PDXDC1: variants seen among roughly 807,000 people sequenced by gnomAD.
PDXDC1 encodes pyridoxal dependent decarboxylase domain containing 1.
PDXDC1 carries 42 observed loss-of-function variants against 100.1 expected under a neutral mutation model. The ratio of observed to expected loss-of-function variants is 0.42; its 90% CI spans 0.33 to 0.54. The LOEUF is 0.54. Ranked by LOEUF, PDXDC1 falls within the 20% of genes least tolerant of loss-of-function variation. The pLI, the probability that PDXDC1 is intolerant of heterozygous loss-of-function variation, is 0.10. For synonymous variants in PDXDC1, 260 were observed against 371.7 expected (o/e 0.70, Z 3.46); for missense variants, 636 against 979.2 (o/e 0.65, Z 4.68).
chr16:15,053,057 C>G (rs138173011), intron 16 of PDXDC1, among the ~76,000 whole-genome samples: 1 of 152,210 alleles, frequency 6.6e-6, no homozygotes, highest in Non-Finnish European at 1.5e-5. Context: ...GCCATGCTGT[C>G]TGCTCGGCAC....
intron 16 of PDXDC1, among the ~76,000 whole-genome samples, chr16:15,079,145 A>G (rs1193084828): frequency 1.4e-5 from 2 of 143,116 alleles, no homozygotes; most frequent in African/African-American, 5.0e-5. Context: ...TAATGGCAAC[A>G]CCAAGATTCA....
At chr16:15,149,649 G>A in the PDXDC1 span, among the ~76,000 whole-genome samples, 2 of 152,242 alleles carry the variant, frequency 1.3e-5, no homozygotes, top group Non-Finnish European at 2.9e-5. Flanking sequence ...AAAGGGCAAG[G>A]CCCTGGGTGC....
intron 16 of PDXDC1, among the ~76,000 whole-genome samples, chr16:15,111,266 C>T (rs1233038864): frequency 6.9e-6 from 1 of 145,792 alleles, no homozygotes; most frequent in Non-Finnish European, 1.5e-5. Context: ...AGACCAGCCT[C>T]ACCAACATGG....
chr16:15,105,153 CAGTA>C (rs2046751014), intron 16 of PDXDC1, among the ~76,000 whole-genome samples: 1 of 121,226 alleles, frequency 8.2e-6, no homozygotes, highest in Non-Finnish European at 1.8e-5. Flanking sequence ...GGTCAACAGA[CAGTA>C]AGAGACAGTA....
intron 16 of PDXDC1, chr16:15,068,428 C>G: frequency 1.1e-6 from 1 of 932,040 alleles, no homozygotes; most frequent in Non-Finnish European, 1.6e-6. Flanking sequence ...TGCAGATAGT[C>G]ACACAGTATA....
chr16:15,131,626 A>T, intron 16 of PDXDC1: 1 of 1,598,140 alleles, frequency 6.3e-7, no homozygotes. Context: ...CTGGGACGCC[A>T]CCATCCGCGA....
intron 16 of PDXDC1, chr16:15,134,337 G>A: frequency 1.5e-6 from 1 of 686,984 alleles, no homozygotes; most frequent in South Asian, 1.5e-5. Context: ...GGCCACTGCG[G>A]ATCAGCACCT....
chr16:15,046,073 T>C (rs1597789758), intron 16 of PDXDC1: 1 of 151,938 alleles, frequency 6.6e-6, no homozygotes, highest in African/African-American at 2.4e-5. Context: ...CGGAGCAGAG[T>C]GTGTGGCAAC....
At chr16:15,149,558 T>C in the PDXDC1 span, among the ~76,000 whole-genome samples, 1 of 152,086 alleles carries the variant, frequency 6.6e-6, no homozygotes, top group Non-Finnish European at 1.5e-5. Flanking sequence ...CCGACGCCAA[T>C]CCCAGGCAGG....
intron 12 of PDXDC1, among the ~76,000 whole-genome samples, chr16:15,020,975 AACACACACACACAC>A (rs66850292): frequency 3.4e-4 from 49 of 145,930 alleles, no homozygotes; most frequent in South Asian, 1.1e-3. Context: ...GCACCATCTA[AACACACACACACAC>A]ACACACACAC....
intron 16 of PDXDC1, among the ~76,000 whole-genome samples, chr16:15,110,083 G>A (rs938215943): frequency 1.3e-5 from 2 of 148,458 alleles, no homozygotes; most frequent in African/African-American, 4.9e-5. Context: ...GAACCCAAAA[G>A]ACAGTGAGCT....
chr16:15,078,175 G>T (rs1017636468), intron 16 of PDXDC1, among the ~76,000 whole-genome samples: 1 of 152,128 alleles, frequency 6.6e-6, no homozygotes, highest in African/African-American at 2.4e-5. Flanking sequence ...ATATACAGTT[G>T]GCCAGAGAGG....
At chr16:15,102,179 AAG>A (rs893039118) in intron 16 of PDXDC1, among the ~76,000 whole-genome samples, 2 of 151,268 alleles carry the variant, frequency 1.3e-5, no homozygotes, top group African/African-American at 2.4e-5. Context: ...TTATAGAGAC[AAG>A]AGTCTCTCTT....
chr16:15,034,255 A>G, intron 19 of PDXDC1, 31 bp from the exon 20 acceptor site: 4 of 1,601,916 alleles, frequency 2.5e-6, no homozygotes, highest in Non-Finnish European at 2.6e-6. Flanking sequence ...AGAACCTTAA[A>G]CAAGTAATGT....
At chr16:15,024,557 C>T (rs765514175) in intron 13 of PDXDC1, among the ~76,000 whole-genome samples, 1 of 152,228 alleles carries the variant, frequency 6.6e-6, no homozygotes, top group Non-Finnish European at 1.5e-5. Flanking sequence ...GGGTTACAGG[C>T]GCATGCCACC....
At chr16:15,045,307 AAAT>A (rs1298838654) in intron 16 of PDXDC1, 2 of 151,800 alleles carry the variant, frequency 1.3e-5, no homozygotes, top group Admixed American at 1.3e-4. Context: ...CAGGGGGAAA[AAAT>A]AAATAAGTAA....
chr16:15,089,837 G>C (rs1344600942), intron 16 of PDXDC1, among the ~76,000 whole-genome samples: 1 of 147,514 alleles, frequency 6.8e-6, no homozygotes, highest in East Asian at 2.0e-4. Flanking sequence ...GGAGACAGGA[G>C]GATCAGAAAC....
chr16:15,094,735 TCGA>T, intron 16 of PDXDC1: 1 of 162,644 alleles, frequency 6.1e-6, no homozygotes, highest in East Asian at 1.9e-4. Context: ...GGAAACGAGC[TCGA>T]CGAAGTGACC....
intron 16 of PDXDC1, among the ~76,000 whole-genome samples, chr16:15,075,837 C>T (rs574890385): frequency 6.6e-6 from 1 of 152,242 alleles, no homozygotes; most frequent in African/African-American, 2.4e-5. Flanking sequence ...TATCCACCTC[C>T]CCACTGCTGT....
Sources: allele counts gnomAD v4.1 joint callset (sites outside exome capture counted in the v4.1 genomes callset), GRCh38; gene constraint gnomAD v4.1.1; transcripts MANE v1.5; gene names NCBI Gene and HGNC (gene_info 2026-07-23, HGNC 2026-07-21).